The following ELP1 variants were observed in gnomAD, a reference collection of about 807,000 sequenced individuals.
ELP1 encodes the protein elongator complex protein 1.
In ELP1, 131 loss-of-function variants were observed where a neutral mutation model predicts 183.2. The observed-to-expected ratio is 0.72, with a 90% confidence interval of 0.62 to 0.83. The LOEUF is 0.83. ELP1 is among the 40% of genes least tolerant of loss of function. The pLI is 0.00. For synonymous variants in ELP1, 555 were observed against 569.0 expected (o/e 0.98, Z 0.35); for missense variants, 1,550 against 1,594.9 (o/e 0.97, Z 0.48).
Position 108,869,087 on chromosome 9 carries a change from C to T in ELP1, c.*28G>A. On this transcript the variant is annotated 3_prime_UTR_variant, in exon 37 of 37. Transcript: ENST00000374647. ...CAGGAATGAGTGGAAATGGTCTTCTCTGTCGGATCCCTCCTAACTGCAGTC... is the reference window on the plus strand; with the variant it reads ...CAGGAATGAGTGGAAATGGTCTTCTTTGTCGGATCCCTCCTAACTGCAGTC... The T allele has an allele frequency of 6.2e-7, 1 of 1,602,072 alleles. No individual in the cohort carries two copies. Among genetic ancestry groups the T allele is most frequent in the Non-Finnish European group, 8.6e-7 (1 of 1,168,928 alleles).
intron 10 of ELP1, among the ~76,000 whole-genome samples, chr9:108,915,596 C>T (rs1165401100): frequency 6.6e-6 from 1 of 152,074 alleles, no homozygotes; most frequent in African/African-American, 2.4e-5. Context: ...TCAAACTTGC[C>T]ATCCCCTACA....
chr9:108,901,694 A>C lies in ELP1; in HGVS notation c.1855-13T>G. On this transcript the variant is annotated splice_polypyrimidine_tract_variant and intron_variant, in intron 16 of 36. Transcript: ENST00000374647. The stretch of plus-strand genomic sequence containing the variant: ...CAAGGACACATTCCTGCAAAGAAAT[A>C]AAACTGAAATCACAAGCAATTCTAT... 1.9e-6 allele frequency: 3 copies of C among 1,613,668 alleles called. No homozygotes were observed. The highest frequency in any genetic ancestry group is 2.5e-6 in the Non-Finnish European group (3 of 1,179,562).
In ELP1 at chr9:108,903,665, A is replaced by G; in HGVS notation, c.1648T>C (p.Ser550Pro). The change falls in exon 15 of 37, where the codon TCT (serine) becomes CCT (proline). Residue 550 changes from serine to proline, a missense_variant. By Grantham distance (74) the Ser-to-Pro change is moderately conservative (BLOSUM62 -1). Coordinates refer to ENST00000374647, the MANE Select transcript of ELP1 (RefSeq NM_003640.5). ...EEHGQLNVSS[S>P]AAVDGVIISL... ...ATTATGACCCCATCCACCGCTGCAGATGAACTGACAAAAAAAAGGAGAAGG... is the reference window on the plus strand; with the variant it reads ...ATTATGACCCCATCCACCGCTGCAGGTGAACTGACAAAAAAAAGGAGAAGG... 1 of 1,611,940 alleles carries G rather than the reference A, an allele frequency of 6.2e-7. No individual in the cohort carries two copies. The highest frequency in any genetic ancestry group is 8.5e-7 in the Non-Finnish European group (1 of 1,178,088).
chr9:108,913,314 T>C (rs1367975857), intron 10 of ELP1, among the ~76,000 whole-genome samples: 1 of 152,226 alleles, frequency 6.6e-6, no homozygotes, highest in Non-Finnish European at 1.5e-5. Flanking sequence ...TTAATCCTGA[T>C]TCAGCTGTCC....
chr9:108,912,318 G>C lies in ELP1; in HGVS notation c.1135C>G (p.Arg379Gly), dbSNP rs766255360. 1 of 1,614,098 alleles carries C rather than the reference G, an allele frequency of 6.2e-7. No individual in the cohort carries two copies. Among genetic ancestry groups the C allele is most frequent in the Non-Finnish European group, 8.5e-7 (1 of 1,180,008 alleles). The change falls in exon 11 of 37, where the codon CGG (arginine) becomes GGG (glycine). Residue 379 changes from arginine (R) to glycine (G), a missense_variant. Arg to Gly is a moderately radical substitution (Grantham distance 125, BLOSUM62 -2). Transcript: ENST00000374647. ...LAYDWHWTTD[R>G]SVGDNSSDLS... Reference sequence around the variant, plus strand: ...TCACTTGAATTATCTCCCACGCTCCGGTCAGTCGTCCAGTGCCAATCATAG... The same window carrying C: ...TCACTTGAATTATCTCCCACGCTCCCGTCAGTCGTCCAGTGCCAATCATAG...
At chr9:108,895,541 A>G (rs1277445167) in intron 25 of ELP1, among the ~76,000 whole-genome samples, 1 of 152,000 alleles carries the variant, frequency 6.6e-6, no homozygotes, top group African/African-American at 2.4e-5. Context: ...TGGGCAGAGG[A>G]AAAAAAGACA....
chr9:108,872,620 C>T (rs1002204596), intron 36 of ELP1, among the ~76,000 whole-genome samples: 8 of 151,266 alleles, frequency 5.3e-5, no homozygotes, highest in African/African-American at 7.3e-5. Context: ...CTGGCTAACA[C>T]GGTGAAACCC....
chr9:108,919,133 C>T (rs919027455), intron 7 of ELP1, 120 bp downstream of exon 7: 2 of 778,858 alleles, frequency 2.6e-6, no homozygotes, highest in Non-Finnish European at 2.2e-6. Context: ...TTTAAAGCAG[C>T]ACATCCTTGC....
At chr9:108,933,167 C>G (rs1830055113) in intron 1 of ELP1, among the ~76,000 whole-genome samples, 1 of 152,208 alleles carries the variant, frequency 6.6e-6, no homozygotes, top group African/African-American at 2.4e-5. Flanking sequence ...AAGCAAAGAA[C>G]TTGCTATTCT....
chr9:108,926,171 G>A (rs541630926), intron 5 of ELP1, among the ~76,000 whole-genome samples: 41 of 152,270 alleles, frequency 2.7e-4, no homozygotes, highest in Middle Eastern at 3.4e-3. Flanking sequence ...GGATCTAATC[G>A]TAGTAACAAA....
chr9:108,889,678 A>G (rs542566841), intron 28 of ELP1: 1 of 460,336 alleles, frequency 2.2e-6, no homozygotes, highest in East Asian at 4.4e-5. Context: ...TCGTCCCTTA[A>G]CAGTAAGAGA....
chr9:108,913,716 C>T (rs1051527683), intron 10 of ELP1, among the ~76,000 whole-genome samples: 21 of 152,070 alleles, frequency 1.4e-4, no homozygotes, highest in Non-Finnish European at 2.8e-4. Context: ...GGCTCAATCT[C>T]GGCTCACGGC....
chr9:108,933,566 C>T (rs1830070806), intron 1 of ELP1, among the ~76,000 whole-genome samples: 1 of 152,258 alleles, frequency 6.6e-6, no homozygotes, highest in Non-Finnish European at 1.5e-5. Flanking sequence ...CGCCTTCCAT[C>T]GTGAATTAAT....
chr9:108,883,008 C>T (rs1159759241), intron 29 of ELP1, among the ~76,000 whole-genome samples: 1 of 152,180 alleles, frequency 6.6e-6, no homozygotes, highest in African/African-American at 2.4e-5. Flanking sequence ...GCTGTCTTTT[C>T]ACATTCTTGA....
intron 4 of ELP1, 30 bp from the exon 5 acceptor site, chr9:108,926,633 GT>G (rs780022341): frequency 1.3e-6 from 2 of 1,578,828 alleles, no homozygotes; most frequent in Non-Finnish European, 8.7e-7. Context: ...AAATGATTTT[GT>G]TTTCATGTAA....
At chr9:108,885,274 C>T (rs956032542) in intron 29 of ELP1, among the ~76,000 whole-genome samples, 4 of 151,742 alleles carry the variant, frequency 2.6e-5, no homozygotes, top group African/African-American at 9.7e-5. Flanking sequence ...ATTGATAAAC[C>T]TCTGGCCAGA....
At chr9:108,917,735 A>G in intron 8 of ELP1, 65 bp from the exon 9 acceptor site, 1 of 1,563,364 alleles carries the variant, frequency 6.4e-7, no homozygotes, top group South Asian at 1.1e-5. Context: ...GATAAAATCC[A>G]GAAGAGTTTT....
At chr9:108,913,002 C>A (rs976980239) in intron 10 of ELP1, among the ~76,000 whole-genome samples, 1 of 151,942 alleles carries the variant, frequency 6.6e-6, no homozygotes, top group Non-Finnish European at 1.5e-5. Context: ...CCTTGTGATC[C>A]GCCTGCCTCG....
In ELP1 at chr9:108,906,416, T is replaced by C; in HGVS notation, c.1530A>G (p.Glu510=). The C allele has an allele frequency of 6.2e-7, 1 of 1,614,122 alleles. No individual in the cohort carries two copies. Among genetic ancestry groups the C allele is most frequent in the South Asian group, 1.1e-5 (1 of 91,084 alleles). Residue 510 remains glutamate (E), a synonymous_variant, in exon 14 of 37, where the codon GAA becomes GAG. Transcript: ENST00000374647. ...PLKLGLLTWI[E]EDVFLAVSHS... ...GGCTTACAGCCAGGAAGACGTCTTC[T>C]TCAATCCAAGTGAGAAGGCCTAGTT... is the stretch of plus-strand genomic sequence containing the variant.
Sources: gnomAD v4.1 joint callset for allele counts (sites outside exome capture counted in the v4.1 genomes callset) on GRCh38, gnomAD v4.1.1 for gene constraint, MANE v1.5 for transcripts, NCBI Gene and HGNC (gene_info 2026-07-23, HGNC 2026-07-21) for gene names.